Variants in DPP10 observed in about 807,000 individuals in gnomAD.
DPP10 encodes the protein inactive dipeptidyl peptidase 10.
In DPP10, 33 loss-of-function variants were observed where a neutral mutation model predicts 120.9. That is an observed-to-expected ratio of 0.27 (90% CI 0.21 to 0.37). The LOEUF is 0.37. DPP10 is among the 10% of genes least tolerant of loss of function. DPP10 has a pLI of 1.00. For synonymous variants in DPP10, 337 were observed against 326.1 expected (o/e 1.03, Z -0.36); for missense variants, 816 against 942.8 (o/e 0.87, Z 1.76).
intron 3 of DPP10, among the ~76,000 whole-genome samples, chr2:115,417,370 G>GA (rs1389876958): frequency 6.6e-6 from 1 of 152,142 alleles, no homozygotes; most frequent in East Asian, 1.9e-4. Flanking sequence ...GAGGGATGAG[G>GA]AAAAAACTCA....
chr2:115,583,473 G>A (rs1270775661), intron 5 of DPP10, among the ~76,000 whole-genome samples: 1 of 152,210 alleles, frequency 6.6e-6, no homozygotes, highest in Non-Finnish European at 1.5e-5. Flanking sequence ...GGACCCTCGA[G>A]TAGATGGTGC....
At chr2:115,786,146 A>G (rs1683320031) in intron 17 of DPP10, among the ~76,000 whole-genome samples, 1 of 152,206 alleles carries the variant, frequency 6.6e-6, no homozygotes, top group Admixed American at 6.5e-5. Flanking sequence ...ATAAAATTAC[A>G]TGCTTATAAC....
At chr2:115,328,757 C>G (rs1324724904) in intron 2 of DPP10, among the ~76,000 whole-genome samples, 1 of 152,080 alleles carries the variant, frequency 6.6e-6, no homozygotes, top group East Asian at 1.9e-4. Context: ...CTTCTCTATC[C>G]TGAAAGAGTT....
At chr2:115,056,331 G>A (rs530775716) in intron 1 of DPP10, among the ~76,000 whole-genome samples, 22 of 152,164 alleles carry the variant, frequency 1.4e-4, no homozygotes, top group African/African-American at 5.3e-4. Flanking sequence ...GTAAACATGG[G>A]TCACTGAAGG....
intron 3 of DPP10, among the ~76,000 whole-genome samples, chr2:115,447,569 TGG>T (rs905367906): frequency 2.4e-4 from 37 of 152,188 alleles, no homozygotes; most frequent in African/African-American, 8.9e-4. Flanking sequence ...GATTGGATCA[TGG>T]GTACGGTTCC....
chr2:115,839,673 C>CAA (rs57734176), intron 24 of DPP10, among the ~76,000 whole-genome samples: 29,542 of 90,122 alleles, frequency 0.33, 4,452 homozygotes, highest in Middle Eastern at 0.43. Context: ...GACTCCATCT[C>CAA]AAAAAAAAAA....
At chr2:114,860,010 G>A (rs1392152003) in intron 1 of DPP10, among the ~76,000 whole-genome samples, 1 of 152,122 alleles carries the variant, frequency 6.6e-6, no homozygotes, top group African/African-American at 2.4e-5. Flanking sequence ...TTTGCTACTG[G>A]TCCTTAGACC....
chr2:115,707,450 ACACACACACACACT>A (rs1418131383), intron 7 of DPP10, among the ~76,000 whole-genome samples: 3 of 149,540 alleles, frequency 2.0e-5, no homozygotes, highest in African/African-American at 7.5e-5. Flanking sequence ...ACACACACAC[ACACACACACACACT>A]CTCTCCACAT....
At chr2:115,465,210 A>G (rs2074246646) in intron 3 of DPP10, among the ~76,000 whole-genome samples, 2 of 152,188 alleles carry the variant, frequency 1.3e-5, no homozygotes, top group Admixed American at 1.3e-4. Flanking sequence ...ACACTCATAA[A>G]TTCAGCAGTT....
chr2:115,695,876 AC>A (rs992164150), intron 7 of DPP10, among the ~76,000 whole-genome samples: 1 of 152,198 alleles, frequency 6.6e-6, no homozygotes, highest in African/African-American at 2.4e-5. Flanking sequence ...TGATGTATGA[AC>A]AAAATGGAAA....
chr2:114,478,843 T>C (rs55794014), intron 1 of DPP10, among the ~76,000 whole-genome samples: 8,474 of 152,220 alleles, frequency 0.056, 750 homozygotes, highest in African/African-American at 0.19. Flanking sequence ...GAAATTGCAA[T>C]CTATTTGTGT....
chr2:115,693,060 G>T (rs921893774), intron 7 of DPP10, among the ~76,000 whole-genome samples: 1 of 152,042 alleles, frequency 6.6e-6, no homozygotes, highest in Non-Finnish European at 1.5e-5. Context: ...ATGAAAAAAG[G>T]TTAGTGATTT....
intron 5 of DPP10, among the ~76,000 whole-genome samples, chr2:115,587,891 A>G (rs931300209): frequency 1.3e-5 from 2 of 152,212 alleles, no homozygotes; most frequent in African/African-American, 4.8e-5. Flanking sequence ...GATAGAATTT[A>G]CAGTATCTGA....
At chr2:115,378,800 T>G (rs937962127) in intron 3 of DPP10, among the ~76,000 whole-genome samples, 1 of 152,206 alleles carries the variant, frequency 6.6e-6, no homozygotes, top group Admixed American at 6.5e-5. Context: ...TCTGCATCTA[T>G]TGAGATAATC....
chr2:115,340,632 G>A (rs1311654995), intron 2 of DPP10, among the ~76,000 whole-genome samples: 1 of 151,452 alleles, frequency 6.6e-6, no homozygotes, highest in Non-Finnish European at 1.5e-5. Flanking sequence ...TTGGTGTGGT[G>A]GACTTACAGC....
rs114389735 is a variant in DPP10 at position 114,910,497 on chromosome 2, A to G, written c.61-398742A>G. On this transcript the variant is annotated intron_variant, in intron 1 of 25. Transcript: ENST00000410059. ...CGACACAGCTGAAGAATGAATTGTTATAATAAACTGAGAGATTTTAAAACA... is the reference window on the plus strand; with the variant it reads ...CGACACAGCTGAAGAATGAATTGTTGTAATAAACTGAGAGATTTTAAAACA... 3.3e-3 allele frequency among the ~76,000 whole-genome samples: 505 copies of G among 152,232 alleles called. 1 individual carries two copies. The highest frequency in any genetic ancestry group is 0.012 in the African/African-American group (496 of 41,574).
chr2:115,197,391 CAA>C (rs757548532), intron 1 of DPP10, among the ~76,000 whole-genome samples: 12 of 100,294 alleles, frequency 1.2e-4, no homozygotes, highest in Admixed American at 2.1e-4. Context: ...GACTCCATCT[CAA>C]AAAAAAAAAA....
intron 1 of DPP10, among the ~76,000 whole-genome samples, chr2:115,032,809 C>T (rs775106727): frequency 3.3e-5 from 5 of 149,894 alleles, no homozygotes; most frequent in African/African-American, 9.8e-5. Context: ...CACTTAAACA[C>T]GGGAGGCAGA....
chr2:114,935,503 T>A (rs1313583670), intron 1 of DPP10, among the ~76,000 whole-genome samples: 1 of 152,192 alleles, frequency 6.6e-6, no homozygotes, highest in Non-Finnish European at 1.5e-5. Context: ...ATCAGAATTA[T>A]GGATAAGATT....
Sources: allele counts gnomAD v4.1 joint callset (sites outside exome capture counted in the v4.1 genomes callset), GRCh38; gene constraint gnomAD v4.1.1; transcripts MANE v1.5; gene names NCBI Gene and HGNC (gene_info 2026-07-23, HGNC 2026-07-21).